ERG: variants seen among roughly 807,000 people sequenced by gnomAD.
The protein encoded by ERG is ETS transcription factor ERG.
A neutral mutation model predicts 55.3 loss-of-function variants in ERG; 9 were observed. The observed-to-expected ratio is 0.16, with a 90% confidence interval of 0.10 to 0.28. The LOEUF is 0.28. ERG is among the 10% of genes least tolerant of loss of function. The pLI, the probability that ERG is intolerant of heterozygous loss-of-function variation, is 1.00. For synonymous variants in ERG, 223 were observed against 237.3 expected (o/e 0.94, Z 0.55); for missense variants, 434 against 631.6 (o/e 0.69, Z 3.35).
chr21:38,381,229 A>T lies in ERG; in HGVS notation c.*2174T>A. ...GCAACGTGAAAAAAACAGGCCCTGA[A>T]ACAGCTATGAAAAGGGCCAGTTCAG... On this transcript the variant is annotated 3_prime_UTR_variant, in exon 10 of 10. Transcript: ENST00000288319. 1 of 1,065,260 alleles carries T rather than the reference A, an allele frequency of 9.4e-7. No individual in the cohort carries two copies. The highest frequency in any genetic ancestry group is 4.5e-5 in the South Asian group (1 of 21,980). 66.0% of individuals were successfully genotyped at this position (1,065,260 alleles called of 1,614,324 possible). A position where few individuals can be genotyped will look rare whatever the true frequency, so the allele number is the denominator to read the frequency against.
intron 3 of ERG, among the ~76,000 whole-genome samples, chr21:38,409,585 A>G (rs1988947015): frequency 6.6e-6 from 1 of 151,872 alleles, no homozygotes. Flanking sequence ...AAGGCTTACC[A>G]GGAGAGTGAA....
intron 1 of ERG, among the ~76,000 whole-genome samples, chr21:38,605,386 C>A (rs77246831): frequency 6.6e-6 from 1 of 152,090 alleles, no homozygotes; most frequent in African/African-American, 2.4e-5. Flanking sequence ...ATGGTAGACT[C>A]GCCTGAGACA....
At position 38,498,285 on chromosome 21, in the gene ERG, T is replaced by C; in HGVS notation, c.18+78A>G. The C allele has an allele frequency of 7.6e-7, 1 of 1,307,454 alleles. No individual in the cohort carries two copies. The highest frequency in any genetic ancestry group is 1.1e-6 in the Non-Finnish European group (1 of 907,506). 81.0% of individuals were successfully genotyped at this position (1,307,454 alleles called of 1,614,324 possible). On this transcript the variant is annotated intron_variant, in intron 1 of 9. Transcript: ENST00000288319. The surrounding 1 kb of genome is among the most constrained non-coding windows in gnomAD (Gnocchi z 4.6). ...GGGGGTGTTGCCCAACCCTAACTTATCTGCCTTGATAAAGGAAACCAAAGA... is the reference window on the plus strand; with the variant it reads ...GGGGGTGTTGCCCAACCCTAACTTACCTGCCTTGATAAAGGAAACCAAAGA...
chr21:38,624,033 T>C (rs1442501471), intron 1 of ERG, among the ~76,000 whole-genome samples: 1 of 152,190 alleles, frequency 6.6e-6, no homozygotes, highest in Non-Finnish European at 1.5e-5. Flanking sequence ...AATTATTTAT[T>C]AAAGCATCTC....
At chr21:38,444,049 G>A (rs150577825) in intron 2 of ERG, among the ~76,000 whole-genome samples, 2 of 152,340 alleles carry the variant, frequency 1.3e-5, no homozygotes, top group African/African-American at 4.8e-5. Flanking sequence ...GGCACGTCCA[G>A]CCTTGCCGTT....
At chr21:38,368,433 G>A in the ERG span, among the ~76,000 whole-genome samples, 2 of 152,128 alleles carry the variant, frequency 1.3e-5, no homozygotes, top group Non-Finnish European at 2.9e-5. Flanking sequence ...GGATATACCT[G>A]CATTGGCTAA....
upstream of ERG, among the ~76,000 whole-genome samples, chr21:38,587,596 T>C (rs1420233628): frequency 6.6e-6 from 1 of 152,104 alleles, no homozygotes; most frequent in Non-Finnish European, 1.5e-5. Context: ...GACCTCGTGA[T>C]CCACCCGCCT....
At chr21:38,616,630 T>C (rs1214452622) in intron 1 of ERG, among the ~76,000 whole-genome samples, 1 of 151,884 alleles carries the variant, frequency 6.6e-6, no homozygotes, top group Non-Finnish European at 1.5e-5. Context: ...TGAACTGGAC[T>C]GGACTGGATT....
At chr21:38,566,827 T>G (rs935764652) in intron 2 of ERG, among the ~76,000 whole-genome samples, 6 of 152,238 alleles carry the variant, frequency 3.9e-5, no homozygotes, top group African/African-American at 1.2e-4. Flanking sequence ...GTGCTTGAAC[T>G]GCAGCATCCT....
intron 3 of ERG, among the ~76,000 whole-genome samples, chr21:38,405,530 G>A (rs185552281): frequency 8.4e-4 from 128 of 152,176 alleles, no homozygotes; most frequent in African/African-American, 2.8e-3. Flanking sequence ...AGGGCAGTTG[G>A]GCATCACAGT....
At chr21:38,387,138 C>T (rs888276493) in intron 9 of ERG, among the ~76,000 whole-genome samples, 1 of 152,212 alleles carries the variant, frequency 6.6e-6, no homozygotes, top group African/African-American at 2.4e-5. Context: ...AGTGAGTCAG[C>T]AGCTGTGTCT....
intron 3 of ERG, among the ~76,000 whole-genome samples, chr21:38,409,433 A>C (rs2018579): frequency 0.31 from 46,403 of 149,616 alleles, 7,419 homozygotes; most frequent in South Asian, 0.4. Flanking sequence ...CGATAAGCCG[A>C]GATTGCGCCA....
intron 2 of ERG, among the ~76,000 whole-genome samples, chr21:38,428,298 A>G (rs1989936344): frequency 1.4e-5 from 2 of 145,938 alleles, no homozygotes; most frequent in African/African-American, 5.0e-5. Flanking sequence ...TGCCCAAGAA[A>G]AGATCCACAC....
Position 38,383,469 on chromosome 21 carries a change from C to T in ERG, c.1374G>A (p.Gly458=). The T allele has an allele frequency of 6.5e-7, 1 of 1,534,268 alleles. No individual in the cohort carries two copies. Among genetic ancestry groups the T allele is most frequent in the South Asian group, 1.3e-5 (1 of 78,788 alleles). Residue 458 remains glycine (G), a synonymous_variant, in exon 10 of 10, where the codon GGG becomes GGA. Transcript: ENST00000288319. The surrounding 1 kb of genome is among the most constrained non-coding windows in gnomAD (Gnocchi z 5.7). ...APNPYWNSPT[G]GIYPNTRLPT... is the part of the protein sequence containing the mutation. Reference sequence around the variant, plus strand: ...GGAGCCTAGTGTTGGGGTATATACCCCCAGTTGGTGAATTCCAGTATGGGT... The same window carrying T: ...GGAGCCTAGTGTTGGGGTATATACCTCCAGTTGGTGAATTCCAGTATGGGT...
chr21:38,630,448 G>A (rs966478449), intron 1 of ERG, among the ~76,000 whole-genome samples: 7 of 152,244 alleles, frequency 4.6e-5, no homozygotes, highest in African/African-American at 1.7e-4. Context: ...TCTCAGCCAT[G>A]CAACAGGGAG....
upstream of ERG, among the ~76,000 whole-genome samples, chr21:38,501,825 C>T (rs2059423713): frequency 6.6e-6 from 1 of 152,202 alleles, no homozygotes; most frequent in Admixed American, 6.5e-5. Flanking sequence ...TCTGCCAAAA[C>T]CTTCCACTAG....
Position 38,567,904 on chromosome 21 carries a change from C to T in ERG, c.-41+7758G>A, listed in dbSNP as rs560364061. Among the ~76,000 whole-genome samples, 19 of 152,336 alleles carry T rather than the reference C, an allele frequency of 1.2e-4. No individual in the cohort carries two copies. The East Asian group carries it at 3.5e-3, about 28-fold the overall frequency. The stretch of plus-strand genomic sequence containing the variant: ...GGCTTCACAGTGACCTCGCACAGAA[C>T]GCTGCTACTTCTGAAACTGTTTTAG... On this transcript the variant is annotated intron_variant, in intron 2 of 8. Coordinates refer to the ERG transcript ENST00000398897.
intron 2 of ERG, among the ~76,000 whole-genome samples, chr21:38,544,798 C>T (rs1243673552): frequency 1.3e-5 from 2 of 152,198 alleles, no homozygotes; most frequent in African/African-American, 4.8e-5. Flanking sequence ...CACCCTTGCT[C>T]TTTCTGAAGC....
At chr21:38,581,428 T>G (rs1601275259) in intron 1 of ERG, among the ~76,000 whole-genome samples, 1 of 152,328 alleles carries the variant, frequency 6.6e-6, no homozygotes, top group East Asian at 1.9e-4. Flanking sequence ...ATGGAGCTCC[T>G]AAAACTCTGG....
Sources: gnomAD v4.1 joint callset for allele counts (sites outside exome capture counted in the v4.1 genomes callset) on GRCh38, gnomAD v4.1.1 for gene constraint, Gnocchi (gnomAD v3.1) non-coding constraint, MANE v1.5 for transcripts, NCBI Gene and HGNC (gene_info 2026-07-23, HGNC 2026-07-21) for gene names.